The following PTPRD variants were observed in gnomAD, a reference collection of about 807,000 sequenced individuals.
PTPRD encodes protein tyrosine phosphatase receptor type D.
PTPRD carries 34 observed loss-of-function variants against 214.5 expected under a neutral mutation model. The ratio of observed to expected loss-of-function variants is 0.16; its 90% CI spans 0.12 to 0.21. The LOEUF is 0.21. Among genes scored for constraint, PTPRD ranks in the 10% least tolerant of loss-of-function variants. PTPRD has a pLI of 1.00. For synonymous variants in PTPRD, 1,128 were observed against 845.7 expected, an observed-to-expected ratio of 1.33 and a Z score of -5.79; for missense variants, 2,545 against 2,398.7, an observed-to-expected ratio of 1.06 and a Z score of -1.27.
At chr9:8,975,424 T>A (rs7038756) in intron 11 of PTPRD, among the ~76,000 whole-genome samples, 28,486 of 152,030 alleles carry the variant, frequency 0.19, 2,996 homozygotes, top group Non-Finnish European at 0.24. Flanking sequence ...AAAGAAATAA[T>A]TGATTCATTT....
intron 8 of PTPRD, among the ~76,000 whole-genome samples, chr9:9,424,300 T>C (rs112905366): frequency 1.3e-5 from 2 of 152,364 alleles, no homozygotes; most frequent in African/African-American, 4.8e-5. Context: ...TCAGAGTCTA[T>C]TTCCTGGGAA....
chr9:10,466,540 T>G (rs746485732), intron 2 of PTPRD, among the ~76,000 whole-genome samples: 34 of 143,308 alleles, frequency 2.4e-4, no homozygotes, highest in Non-Finnish European at 4.2e-4. Flanking sequence ...GGAGAATCAC[T>G]TGAACCCAGG....
chr9:9,207,657 C>T (rs1309245701), intron 9 of PTPRD, among the ~76,000 whole-genome samples: 3 of 152,042 alleles, frequency 2.0e-5, no homozygotes, highest in Non-Finnish European at 4.4e-5. Context: ...AACATCTAGC[C>T]AAATTAAATG....
intron 3 of PTPRD, among the ~76,000 whole-genome samples, chr9:10,161,938 T>TA (rs2099129593): frequency 6.6e-6 from 1 of 151,656 alleles, no homozygotes; most frequent in Admixed American, 6.6e-5. Context: ...GTATATTTTT[T>TA]AAAAAAATGC....
At chr9:9,355,381 G>T (rs202125063) in intron 9 of PTPRD, among the ~76,000 whole-genome samples, 1,039 of 43,034 alleles carry the variant, frequency 0.024, 5 homozygotes, top group Middle Eastern at 0.15. Context: ...TTTTAGGAGC[G>T]GAGGTGAAAG....
chr9:10,464,465 A>G (rs942155523), intron 2 of PTPRD, among the ~76,000 whole-genome samples: 1 of 148,908 alleles, frequency 6.7e-6, no homozygotes, highest in African/African-American at 2.4e-5. Flanking sequence ...GAGAGGAGAA[A>G]GGGAGGAAGG....
chr9:10,508,133 A>T (rs577360495), intron 2 of PTPRD, among the ~76,000 whole-genome samples: 1 of 152,366 alleles, frequency 6.6e-6, no homozygotes, highest in South Asian at 2.1e-4. Flanking sequence ...AAAGTGGGTG[A>T]AGGATATGAA....
In PTPRD at chr9:10,081,476, C is replaced by T. The variant is rs181603723; in HGVS notation, c.-544-47686G>A. ...GGTCATGAAGGTGGAGCCCACGTAA[C>T]TGGAATTAGTGCCCTAATAAAAGAG... On this transcript the variant is annotated intron_variant, in intron 3 of 45. Transcript: ENST00000381196. Among the ~76,000 whole-genome samples the T allele has an allele frequency of 1.4e-4, 21 of 152,100 alleles. No homozygotes were observed. The East Asian group carries it at 3.3e-3, about 24-fold the overall frequency.
intron 3 of PTPRD, among the ~76,000 whole-genome samples, chr9:10,162,647 A>C (rs921103515): frequency 2.0e-5 from 3 of 147,916 alleles, no homozygotes; most frequent in Non-Finnish European, 3.0e-5. Flanking sequence ...AAACATATAT[A>C]TACACATATA....
chr9:8,614,362 C>A (rs1490905447), intron 14 of PTPRD, among the ~76,000 whole-genome samples: 1 of 152,120 alleles, frequency 6.6e-6, no homozygotes, highest in African/African-American at 2.4e-5. Flanking sequence ...GCAAATGAGA[C>A]TAATGAGTTC....
chr9:8,741,146 G>C (rs889749481), intron 11 of PTPRD, among the ~76,000 whole-genome samples: 3 of 152,008 alleles, frequency 2.0e-5, no homozygotes, highest in African/African-American at 7.2e-5. Flanking sequence ...TATTAACTTT[G>C]ATTGTTTCTT....
intron 9 of PTPRD, among the ~76,000 whole-genome samples, chr9:9,330,611 A>C (rs1186609869): frequency 6.6e-6 from 1 of 152,070 alleles, no homozygotes; most frequent in Non-Finnish European, 1.5e-5. Context: ...TAAATGTATG[A>C]TGATGCTATT....
At chr9:10,460,848 T>C (rs1033666034) in intron 2 of PTPRD, among the ~76,000 whole-genome samples, 1 of 152,078 alleles carries the variant, frequency 6.6e-6, no homozygotes, top group Non-Finnish European at 1.5e-5. Context: ...TTATTGGGTA[T>C]CACACCAGAA....
intron 7 of PTPRD, among the ~76,000 whole-genome samples, chr9:9,684,119 C>T (rs1690492895): frequency 6.6e-6 from 1 of 151,370 alleles, no homozygotes; most frequent in African/African-American, 2.4e-5. Context: ...CCTTGTTCAA[C>T]AAAAAGGCAG....
intron 11 of PTPRD, among the ~76,000 whole-genome samples, chr9:8,872,962 C>A (rs546394143): frequency 6.6e-6 from 1 of 152,224 alleles, no homozygotes; most frequent in East Asian, 1.9e-4. Context: ...GAGTTACTCA[C>A]CAACTGAAAA....
chr9:10,038,781 G>A (rs1325882461), intron 3 of PTPRD, among the ~76,000 whole-genome samples: 1 of 151,910 alleles, frequency 6.6e-6, no homozygotes, highest in Non-Finnish European at 1.5e-5. Context: ...TAATCACTTA[G>A]TTCTCTAGAT....
At chr9:10,111,947 G>A (rs78427946) in intron 3 of PTPRD, among the ~76,000 whole-genome samples, 49 of 152,154 alleles carry the variant, frequency 3.2e-4, no homozygotes, top group African/African-American at 1.1e-3. Context: ...TATCAGTTTC[G>A]CATTTCAGCT....
In PTPRD at chr9:8,934,500, T is replaced by TAA. The variant is rs1372367735; in HGVS notation, c.-104+84196_-104+84197insTT. 3.3e-4 allele frequency among the ~76,000 whole-genome samples: 9 copies of TAA among 27,562 alleles called. 1 individual carries two copies. The highest frequency in any genetic ancestry group is 5.1e-4 in the Non-Finnish European group (8 of 15,718). 18.1% of individuals were successfully genotyped at this position (27,562 alleles called of 152,430 possible). A position where few individuals can be genotyped will look rare whatever the true frequency, so the allele number is the denominator to read the frequency against. On this transcript the variant is annotated intron_variant, in intron 11 of 45. Coordinates refer to ENST00000381196, the MANE Select transcript of PTPRD (RefSeq NM_002839.4). ...ATAAATATATATATATATAAATATA[T>TAA]ATATAAATATATATATATAAATATA...
At chr9:8,667,799 C>T (rs2097199136) in intron 12 of PTPRD, among the ~76,000 whole-genome samples, 1 of 151,986 alleles carries the variant, frequency 6.6e-6, no homozygotes, top group South Asian at 2.1e-4. Context: ...ATCTGAAACA[C>T]TTTTGGTCCC....
Sources: allele counts gnomAD v4.1 joint callset (sites outside exome capture counted in the v4.1 genomes callset), GRCh38; gene constraint gnomAD v4.1.1; transcripts MANE v1.5; gene names NCBI Gene and HGNC (gene_info 2026-07-23, HGNC 2026-07-21).